IQCM: variants seen among roughly 807,000 people sequenced by gnomAD.
IQCM encodes the protein IQ domain-containing protein M.
A neutral mutation model predicts 57.6 loss-of-function variants in IQCM; 45 were observed. That is an observed-to-expected ratio of 0.78 (90% confidence interval 0.62 to 1.00). The LOEUF is 1.00. Among genes scored for constraint, IQCM ranks in the 50% least tolerant of loss-of-function variants. IQCM has a pLI of 0.00. For synonymous variants in IQCM, 148 were observed against 158.9 expected (o/e 0.93, Z 0.51); for missense variants, 468 against 511.6 (o/e 0.91, Z 0.82).
At chr4:149,808,256 T>C (rs1774257012) in intron 2 of IQCM, among the ~76,000 whole-genome samples, 1 of 152,080 alleles carries the variant, frequency 6.6e-6, no homozygotes, top group Admixed American at 6.6e-5. Flanking sequence ...ATCCTGTCAT[T>C]TGCAGCAACG....
chr4:149,720,817 C>A (rs1201288923), intron 5 of IQCM, among the ~76,000 whole-genome samples: 1 of 152,142 alleles, frequency 6.6e-6, no homozygotes, highest in Admixed American at 6.6e-5. Context: ...TTAGAAATTT[C>A]ACAATAAGGA....
At chr4:149,429,964 C>T in intron 13 of IQCM, 1 of 1,210,178 alleles carries the variant, frequency 8.3e-7, no homozygotes. Context: ...TAACAAAGTG[C>T]AAATAGACTC....
chr4:149,782,304 G>T (rs1011895197), intron 2 of IQCM, among the ~76,000 whole-genome samples: 1 of 152,034 alleles, frequency 6.6e-6, no homozygotes, highest in East Asian at 1.9e-4. Context: ...GGAAAAAAAG[G>T]AAAGAAAAAT....
chr4:149,495,668 G>T (rs1742578295), intron 12 of IQCM, among the ~76,000 whole-genome samples: 1 of 152,090 alleles, frequency 6.6e-6, no homozygotes, highest in Admixed American at 6.6e-5. Context: ...AATGAACCTT[G>T]ATGGCAAGGT....
At chr4:149,423,280 A>C (rs1734239725) in intron 13 of IQCM, among the ~76,000 whole-genome samples, 1 of 151,990 alleles carries the variant, frequency 6.6e-6, no homozygotes, top group Non-Finnish European at 1.5e-5. Context: ...AGAGCAGGGG[A>C]AACAGCCACT....
At chr4:149,616,182 A>T (rs1210724058) in intron 8 of IQCM, among the ~76,000 whole-genome samples, 3 of 152,190 alleles carry the variant, frequency 2.0e-5, no homozygotes, top group Admixed American at 6.6e-5. Context: ...AATATCCAAA[A>T]GGTGGAAGCA....
intron 8 of IQCM, among the ~76,000 whole-genome samples, chr4:149,615,476 T>A (rs1160283872): frequency 6.6e-6 from 1 of 152,168 alleles, no homozygotes; most frequent in Non-Finnish European, 1.5e-5. Flanking sequence ...TAGGGTCCCA[T>A]GTGCCACTGA....
intron 9 of IQCM, among the ~76,000 whole-genome samples, chr4:149,574,543 GT>G (rs1751460968): frequency 6.6e-6 from 1 of 151,856 alleles, no homozygotes; most frequent in African/African-American, 2.4e-5. Flanking sequence ...AAATCAAATA[GT>G]TTTCAGAGAG....
intron 12 of IQCM, among the ~76,000 whole-genome samples, chr4:149,441,608 A>C (rs532536667): frequency 5.3e-5 from 8 of 152,272 alleles, no homozygotes; most frequent in African/African-American, 1.4e-4. Flanking sequence ...TTGGGAGTCC[A>C]GAAGCCTTCT....
At chr4:149,376,812 T>C (rs1730730544) in intron 13 of IQCM, among the ~76,000 whole-genome samples, 1 of 152,196 alleles carries the variant, frequency 6.6e-6, no homozygotes, top group Non-Finnish European at 1.5e-5. Flanking sequence ...CATAAGATAA[T>C]GAGCACACAC....
intron 2 of IQCM, among the ~76,000 whole-genome samples, chr4:149,765,988 C>T (rs957394012): frequency 2.6e-5 from 4 of 152,040 alleles, no homozygotes; most frequent in South Asian, 2.1e-4. Flanking sequence ...GCCCCCTGCC[C>T]GCCAAATTAT....
intron 2 of IQCM, among the ~76,000 whole-genome samples, chr4:149,759,606 A>G (rs555202600): frequency 2.0e-5 from 3 of 152,294 alleles, no homozygotes; most frequent in Admixed American, 2.0e-4. Context: ...AAATCTCTAT[A>G]CTTTCCTCTT....
chr4:149,695,595 G>GTT (rs1182900384), intron 5 of IQCM, among the ~76,000 whole-genome samples: 1 of 152,126 alleles, frequency 6.6e-6, no homozygotes, highest in Non-Finnish European at 1.5e-5. Context: ...AGAAACACAA[G>GTT]TTTGAGAAAG....
At chr4:149,762,038 T>C (rs1769570894) in intron 2 of IQCM, among the ~76,000 whole-genome samples, 1 of 152,052 alleles carries the variant, frequency 6.6e-6, no homozygotes, top group African/African-American at 2.4e-5. Context: ...TAGCTTATCA[T>C]AAAGAACTGA....
At chr4:149,751,245 T>C (rs1177479690) in intron 2 of IQCM, among the ~76,000 whole-genome samples, 1 of 152,146 alleles carries the variant, frequency 6.6e-6, no homozygotes, top group Non-Finnish European at 1.5e-5. Context: ...AGAATCCCCC[T>C]GATGAAATTC....
intron 8 of IQCM, among the ~76,000 whole-genome samples, chr4:149,605,057 A>T (rs1035886406): frequency 6.6e-6 from 1 of 152,184 alleles, no homozygotes; most frequent in African/African-American, 2.4e-5. Flanking sequence ...TGTACAACTA[A>T]AACTATTGTT....
chr4:149,356,965 C>T (rs1241125968), intron 13 of IQCM, among the ~76,000 whole-genome samples: 3 of 152,260 alleles, frequency 2.0e-5, no homozygotes, highest in East Asian at 3.9e-4. Context: ...CTTCACATCC[C>T]TTGTAAGCTG....
At chr4:149,442,411 C>A (rs757299894) in intron 12 of IQCM, among the ~76,000 whole-genome samples, 26 of 151,512 alleles carry the variant, frequency 1.7e-4, no homozygotes, top group African/African-American at 4.6e-4. Flanking sequence ...GCAACAACAA[C>A]AAAAAAAACC....
intron 2 of IQCM, among the ~76,000 whole-genome samples, chr4:149,759,408 G>A (rs957306993): frequency 1.3e-5 from 2 of 152,062 alleles, no homozygotes; most frequent in Non-Finnish European, 2.9e-5. Context: ...TATGGGTGTT[G>A]GGCAATAATA....
Sources: gnomAD v4.1 joint callset for allele counts (sites outside exome capture counted in the v4.1 genomes callset) on GRCh38, gnomAD v4.1.1 for gene constraint, MANE v1.5 for transcripts, NCBI Gene and HGNC (gene_info 2026-07-23, HGNC 2026-07-21) for gene names.